Variants in ASIC2 observed in about 807,000 individuals in gnomAD.
The protein encoded by ASIC2 is acid-sensing ion channel 2.
Under a neutral mutation model 57.3 loss-of-function variants are expected in ASIC2, and 25 were observed. The observed-to-expected ratio is 0.44, with a 90% CI of 0.32 to 0.61. The LOEUF is 0.61. Ranked by LOEUF, ASIC2 falls within the 20% of genes least tolerant of loss-of-function variation. ASIC2 has a pLI of 0.06. For missense variants in ASIC2, 641 were observed against 738.1 expected (o/e 0.87, Z 1.52); for synonymous variants, 319 against 307.5 (o/e 1.04, Z -0.39).
chr17:33,031,162 T>G (rs376787534), intron 3 of ASIC2, among the ~76,000 whole-genome samples: 1 of 152,198 alleles, frequency 6.6e-6, no homozygotes, highest in Non-Finnish European at 1.5e-5. Flanking sequence ...CGTGTGAAGA[T>G]TTTTAATTAT....
At chr17:33,780,816 T>C (rs193220721) in intron 1 of ASIC2, among the ~76,000 whole-genome samples, 10 of 152,290 alleles carry the variant, frequency 6.6e-5, no homozygotes, top group Admixed American at 2.0e-4. Context: ...AGGGTGGTCA[T>C]TGACTTAACA....
At chr17:33,703,556 T>C (rs1908774048) in intron 1 of ASIC2, among the ~76,000 whole-genome samples, 1 of 152,156 alleles carries the variant, frequency 6.6e-6, no homozygotes, top group Non-Finnish European at 1.5e-5. Flanking sequence ...TTTTACCATG[T>C]TGCCCAGGCT....
rs370199299 is a variant in ASIC2, at chr17:33,325,120, G to GAAAC, written c.556-213057_556-213054dup. 6.5e-4 allele frequency among the ~76,000 whole-genome samples: 99 copies of GAAAC among 152,222 alleles called. 1 individual carries two copies. The highest frequency in any genetic ancestry group is 1.0e-3 in the African/African-American group (42 of 41,534). ...GGTCTGAGCACTGGTGATGCCACAA[G>GAAAC]AAACAAACAAACAAACAAACAAACA... On this transcript the variant is annotated intron_variant, in intron 1 of 9. Coordinates refer to the ASIC2 transcript ENST00000359872.
chr17:33,477,281 AATCCCTATTAGAAC>A (rs1266198872), intron 1 of ASIC2, among the ~76,000 whole-genome samples: 30 of 152,300 alleles, frequency 2.0e-4, no homozygotes, highest in African/African-American at 6.3e-4. Context: ...AACATCTAAA[AATCCCTATTAGAAC>A]TTCATTTTTT....
At chr17:33,411,668 G>T (rs1315640522) in intron 1 of ASIC2, among the ~76,000 whole-genome samples, 5 of 152,150 alleles carry the variant, frequency 3.3e-5, no homozygotes, top group African/African-American at 9.7e-5. Flanking sequence ...GAACCAGAGG[G>T]GCAATAGGAA....
chr17:34,015,068 C>CTT lies in ASIC2; in HGVS notation c.555+140908_555+140909dup, dbSNP rs776970617. Among the ~76,000 whole-genome samples, 63 of 129,634 alleles carry CTT rather than the reference C, an allele frequency of 4.9e-4. 1 individual carries two copies. The highest frequency in any genetic ancestry group is 8.4e-4 in the African/African-American group (29 of 34,588). The allele number at this position is 129,634 out of a possible 152,430, so 85.0% of individuals were successfully genotyped here. A position where few individuals can be genotyped will look rare whatever the true frequency, so the allele number is the denominator to read the frequency against. On this transcript the variant is annotated intron_variant, in intron 1 of 9. Transcript: ENST00000359872. Reference sequence around the variant, plus strand: ...CTTCGCTAATTTTTCTTTCTTCTGCCTTTTTTTTTTTTTTTTTTTTTGTAG... The same window carrying CTT: ...CTTCGCTAATTTTTCTTTCTTCTGCCTTTTTTTTTTTTTTTTTTTTTTTGTAG...
chr17:33,490,856 C>T (rs4305127), intron 1 of ASIC2, among the ~76,000 whole-genome samples: 83,545 of 152,090 alleles, frequency 0.55, 25,681 homozygotes, highest in African/African-American at 0.84. Flanking sequence ...CTGGCATTTT[C>T]GCCGGGGATA....
intron 1 of ASIC2, among the ~76,000 whole-genome samples, chr17:33,822,265 C>T (rs1241442310): frequency 1.3e-5 from 2 of 152,164 alleles, no homozygotes; most frequent in Non-Finnish European, 2.9e-5. Context: ...ACAAACAGTT[C>T]TCCCGGGAGT....
intron 1 of ASIC2, among the ~76,000 whole-genome samples, chr17:33,743,632 T>C (rs528547165): frequency 6.6e-6 from 1 of 152,362 alleles, no homozygotes; most frequent in Non-Finnish European, 1.5e-5. Context: ...ATTGATCTCC[T>C]GATTTTCCCT....
intron 1 of ASIC2, among the ~76,000 whole-genome samples, chr17:33,655,172 G>A (rs34959758): frequency 1.3e-5 from 2 of 152,230 alleles, no homozygotes; most frequent in South Asian, 2.1e-4. Context: ...GACAGACCTG[G>A]TGCCTCGGGA....
At chr17:34,010,346 G>A (rs1906666590) in intron 1 of ASIC2, among the ~76,000 whole-genome samples, 1 of 152,158 alleles carries the variant, frequency 6.6e-6, no homozygotes, top group African/African-American at 2.4e-5. Context: ...GTGCCAGCAA[G>A]CTCTAAAGCC....
intron 1 of ASIC2, among the ~76,000 whole-genome samples, chr17:33,669,705 C>T (rs1359505520): frequency 6.6e-6 from 1 of 152,056 alleles, no homozygotes; most frequent in Non-Finnish European, 1.5e-5. Flanking sequence ...GGGTGGGTGG[C>T]GATGAAAACA....
chr17:33,909,267 C>T (rs1915411360), intron 1 of ASIC2, among the ~76,000 whole-genome samples: 1 of 152,186 alleles, frequency 6.6e-6, no homozygotes, highest in African/African-American at 2.4e-5. Flanking sequence ...TTATCCTCTC[C>T]CGTTGTTTCT....
intron 1 of ASIC2, among the ~76,000 whole-genome samples, chr17:33,538,454 T>A (rs1295211749): frequency 6.6e-6 from 1 of 152,186 alleles, no homozygotes; most frequent in Admixed American, 6.5e-5. Flanking sequence ...GGAGGCCTTT[T>A]TTATTGAGAC....
At chr17:33,454,316 C>A (rs764477807) in intron 1 of ASIC2, among the ~76,000 whole-genome samples, 28 of 152,110 alleles carry the variant, frequency 1.8e-4, no homozygotes, top group African/African-American at 4.3e-4. Context: ...TGGTCTATAG[C>A]AGAACCAGAA....
At chr17:33,201,225 C>T (rs1422135772) in intron 1 of ASIC2, among the ~76,000 whole-genome samples, 2 of 152,196 alleles carry the variant, frequency 1.3e-5, no homozygotes, top group Non-Finnish European at 2.9e-5. Flanking sequence ...GTGTTAAGTT[C>T]TGTGTCCTCT....
intron 1 of ASIC2, among the ~76,000 whole-genome samples, chr17:33,924,418 T>A (rs1051075908): frequency 1.3e-5 from 2 of 152,140 alleles, no homozygotes; most frequent in Non-Finnish European, 2.9e-5. Flanking sequence ...TGGCAGTAAC[T>A]ACATTGACAA....
At chr17:33,432,292 G>A (rs1172496938) in intron 1 of ASIC2, among the ~76,000 whole-genome samples, 1 of 152,202 alleles carries the variant, frequency 6.6e-6, no homozygotes, top group East Asian at 1.9e-4. Context: ...CAGGTGGGAG[G>A]ATTGCTTGGG....
At chr17:33,814,041 A>G (rs980464411) in intron 1 of ASIC2, among the ~76,000 whole-genome samples, 1 of 152,098 alleles carries the variant, frequency 6.6e-6, no homozygotes, top group African/African-American at 2.4e-5. Context: ...AGCATACTGC[A>G]GGGGGACTGT....
Sources: gnomAD v4.1 joint callset for allele counts (sites outside exome capture counted in the v4.1 genomes callset) on GRCh38, gnomAD v4.1.1 for gene constraint, MANE v1.5 for transcripts, NCBI Gene and HGNC (gene_info 2026-07-23, HGNC 2026-07-21) for gene names.